The following RCC1 variants were observed in gnomAD, a reference collection of about 807,000 sequenced individuals.
RCC1 encodes regulator of chromosome condensation 1.
RCC1 carries 11 observed loss-of-function variants against 44.4 expected under a neutral mutation model. The observed-to-expected ratio is 0.25, with a 90% confidence interval of 0.16 to 0.41. The LOEUF is 0.41. RCC1 is among the 10% of genes least tolerant of loss of function. RCC1 has a pLI of 1.00. For missense variants in RCC1, 386 were observed against 547.1 expected, an observed-to-expected ratio of 0.71 and a Z score of 2.94; for synonymous variants, 213 against 216.5, an observed-to-expected ratio of 0.98 and a Z score of 0.14.
At chr1:28,518,059 C>CA (rs1212947653) in intron 4 of RCC1, 2 of 151,808 alleles carry the variant, frequency 1.3e-5, no homozygotes, top group Non-Finnish European at 2.9e-5. Context: ...TTGGGGTTTC[C>CA]AAAATACACG....
At chr1:28,509,164 C>CT (rs1662300827) in intron 3 of RCC1, 1 of 308,424 alleles carries the variant, frequency 3.2e-6, no homozygotes, top group Non-Finnish European at 6.3e-6. Flanking sequence ...GTACTAAAGG[C>CT]TTTGGAATTT....
At chr1:28,508,587 T>C (rs116621917) in intron 2 of RCC1, 2 of 518,706 alleles carry the variant, frequency 3.9e-6, no homozygotes, top group Admixed American at 3.9e-5. Context: ...GAGGTCACTC[T>C]CCCCAGGCTC....
rs1439082306 is a variant in RCC1 at position 28,537,736 on chromosome 1, AG to A, written c.1091-94del. On this transcript the variant is annotated intron_variant, in intron 12 of 12. Transcript: ENST00000683442. ...TACCTTGCCAAGCTGCTATTGGCCA[AG>A]GCCACAGTCCACGCCCATGTCCCAG... The A allele has an allele frequency of 2.6e-5, 34 of 1,303,322 alleles. No homozygotes were observed. The African/African-American group carries it at 5.1e-4, about 19-fold the overall frequency. 80.7% of individuals were successfully genotyped at this position (1,303,322 alleles called of 1,614,324 possible).
intron 4 of RCC1, among the ~76,000 whole-genome samples, chr1:28,525,164 C>A (rs546087264): frequency 6.6e-6 from 1 of 152,074 alleles, no homozygotes; most frequent in African/African-American, 2.4e-5. Flanking sequence ...GTTATCAGAA[C>A]GGAACAGAAC....
At chr1:28,528,021 A>C (rs1006467404) in intron 4 of RCC1, among the ~76,000 whole-genome samples, 1 of 151,726 alleles carries the variant, frequency 6.6e-6, no homozygotes, top group Admixed American at 6.6e-5. Context: ...AAAAAAAAAA[A>C]AAAAAAACAT....
At chr1:28,532,720 T>C (rs1195059732) in intron 7 of RCC1, 1 of 477,294 alleles carries the variant, frequency 2.1e-6, no homozygotes, top group African/African-American at 2.0e-5. Flanking sequence ...GGCAAGGAGG[T>C]GTGGAGGCAG....
chr1:28,524,321 C>CCT (rs1284154456), intron 4 of RCC1, among the ~76,000 whole-genome samples: 1 of 152,200 alleles, frequency 6.6e-6, no homozygotes, highest in Admixed American at 6.5e-5. Context: ...TAAGCCCAAG[C>CCT]CTGGGAGTCT....
chr1:28,511,389 ATTT>A (rs1173946268), intron 3 of RCC1, among the ~76,000 whole-genome samples: 2 of 146,890 alleles, frequency 1.4e-5, no homozygotes, highest in African/African-American at 5.2e-5. Context: ...ACAGTATCCA[ATTT>A]TTTGTTTTTT....
intron 4 of RCC1, chr1:28,527,238 ATGTG>A: frequency 2.7e-6 from 2 of 750,822 alleles, no homozygotes; most frequent in Non-Finnish European, 2.3e-6. Flanking sequence ...TCTTCAGTGC[ATGTG>A]TGTTTTTGTT....
intron 3 of RCC1, among the ~76,000 whole-genome samples, chr1:28,513,237 G>T (rs984100468): frequency 2.0e-5 from 3 of 151,542 alleles, no homozygotes; most frequent in African/African-American, 7.3e-5. Flanking sequence ...TGGGGTTTGC[G>T]CGGCTGAAGT....
At chr1:28,507,806 C>T (rs1662134184) in intron 1 of RCC1, 1 of 336,966 alleles carries the variant, frequency 3.0e-6, no homozygotes. Flanking sequence ...AGGGTTTCAC[C>T]ATGTTGGTCA....
intron 4 of RCC1, among the ~76,000 whole-genome samples, chr1:28,525,608 G>C (rs1663596144): frequency 6.6e-6 from 1 of 152,162 alleles, no homozygotes; most frequent in Non-Finnish European, 1.5e-5. Flanking sequence ...ACAGGTGGGA[G>C]GATTCTCAGC....
At chr1:28,530,246 T>A (rs1664045070) in intron 5 of RCC1, among the ~76,000 whole-genome samples, 1 of 152,178 alleles carries the variant, frequency 6.6e-6, no homozygotes, top group Non-Finnish European at 1.5e-5. Flanking sequence ...CGACATGGGT[T>A]CAAGTCCTTG....
chr1:28,511,041 C>G (rs937780704), intron 3 of RCC1: 1 of 152,220 alleles, frequency 6.6e-6, no homozygotes, highest in African/African-American at 2.4e-5. Flanking sequence ...CTCTGCTAAA[C>G]TTCAGCTTGC....
intron 4 of RCC1, among the ~76,000 whole-genome samples, chr1:28,521,251 C>G (rs1381434905): frequency 6.7e-6 from 1 of 149,606 alleles, no homozygotes; most frequent in African/African-American, 2.5e-5. Context: ...CCTGTAATCC[C>G]AGCACTTTGG....
intron 4 of RCC1, among the ~76,000 whole-genome samples, chr1:28,522,914 G>A (rs1013552560): frequency 1.4e-4 from 22 of 151,802 alleles, no homozygotes; most frequent in South Asian, 2.1e-4. Flanking sequence ...GGTGGGGACC[G>A]GAAGACCAGT....
Position 28,536,867 on chromosome 1 carries a change from G to A in RCC1, c.1058G>A (p.Gly353Glu). Reference sequence around the variant, plus strand: ...CCTGCTGTCTCCTCGGTGGCTTGTGGGGCCTCTGTGGGGTATGCTGTGACC... The same window carrying A: ...CCTGCTGTCTCCTCGGTGGCTTGTGAGGCCTCTGTGGGGTATGCTGTGACC... ...RLPAVSSVAC[G>E]ASVGYAVTKD... Residue 353 changes from glycine to glutamate, a missense_variant, in exon 12 of 13, where the codon GGG becomes GAG. Physicochemically the swap from Gly to Glu is moderately conservative, Grantham distance 98 (BLOSUM62 -2). Transcript: ENST00000683442. This position sits in a 1 kb window ranked among gnomAD's most constrained non-coding sequence, Gnocchi z 4.9. 5.0e-6 allele frequency: 8 copies of A among 1,614,066 alleles called. No individual in the cohort carries two copies. Among genetic ancestry groups the A allele is most frequent in the Non-Finnish European group, 6.8e-6 (8 of 1,180,008 alleles).
In RCC1 at chr1:28,538,207, A is replaced by C; in HGVS notation, c.*200A>C. ...AATTTTCCTGGGACCTACAGAATAA[A>C]GGGGGGGATGGACAGGGGGTTTTCA... On this transcript the variant is annotated 3_prime_UTR_variant, in exon 13 of 13. Coordinates refer to ENST00000683442, the MANE Select transcript of RCC1 (RefSeq NM_001381865.2). The C allele has an allele frequency of 1.1e-5, 5 of 448,908 alleles. No individual in the cohort carries two copies. The highest frequency in any genetic ancestry group is 3.6e-5 in the Admixed American group (1 of 27,718). 27.8% of individuals were successfully genotyped at this position (448,908 alleles called of 1,614,324 possible). A position where few individuals can be genotyped will look rare whatever the true frequency, so the allele number is the denominator to read the frequency against.
In RCC1 at chr1:28,506,348, C is replaced by A. The variant is rs1332273675; in HGVS notation, c.-262+264C>A. 1.3e-5 allele frequency: 5 copies of A among 395,766 alleles called. No individual in the cohort carries two copies. In the East Asian group the frequency reaches 3.9e-4, roughly 31 times the overall value. The allele number at this position is 395,766 out of a possible 1,614,324, so 24.5% of individuals were successfully genotyped here. A position where few individuals can be genotyped will look rare whatever the true frequency, so the allele number is the denominator to read the frequency against. On this transcript the variant is annotated intron_variant, in intron 1 of 12. Transcript: ENST00000683442. Reference sequence around the variant, plus strand: ...TACAGGCACGTGCCACCACGCCCGGCCAATTTTTGTATTCTTAGTGGAGAC... The same window carrying A: ...TACAGGCACGTGCCACCACGCCCGGACAATTTTTGTATTCTTAGTGGAGAC...
Sources: allele counts gnomAD v4.1 joint callset (sites outside exome capture counted in the v4.1 genomes callset), GRCh38; gene constraint gnomAD v4.1.1; non-coding constraint Gnocchi (gnomAD v3.1); transcripts MANE v1.5; gene names NCBI Gene and HGNC (gene_info 2026-07-23, HGNC 2026-07-21).